Variants in CD99 observed in about 807,000 individuals in gnomAD.
CD99 encodes CD99 antigen.
CD99 carries 19 observed loss-of-function variants against 28.4 expected under a neutral mutation model. The ratio of observed to expected loss-of-function variants is 0.67; its 90% CI spans 0.47 to 0.98. The LOEUF is 0.98. Among genes scored for constraint, CD99 ranks in the 50% least tolerant of loss-of-function variants. CD99 has a pLI of 0.00. For synonymous variants in CD99, 103 were observed against 92.1 expected (o/e 1.12, Z -0.67); for missense variants, 283 against 248.8 (o/e 1.14, Z -0.92).
intron 8 of CD99, chrX:2,733,521 A>T (rs913734296): frequency 2.4e-6 from 2 of 816,460 alleles, no homozygotes; most frequent in Admixed American, 2.3e-5. Flanking sequence ...TCTCAATCAC[A>T]TGGCGGATTC....
intron 7 of CD99, among the ~76,000 whole-genome samples, chrX:2,726,004 C>A (rs1387692838): frequency 3.9e-5 from 6 of 152,170 alleles, no homozygotes; most frequent in Non-Finnish European, 8.8e-5. Flanking sequence ...CTCTTCATGT[C>A]TCTTTTCTCC....
chrX:2,713,620 T>C (rs1425015862), intron 1 of CD99, among the ~76,000 whole-genome samples: 1 of 152,210 alleles, frequency 6.6e-6, no homozygotes, highest in African/African-American at 2.4e-5. Context: ...TTTGCACCTG[T>C]TGTGGAACTG....
At chrX:2,693,281 G>C (rs2047419699) in intron 1 of CD99, among the ~76,000 whole-genome samples, 1 of 148,472 alleles carries the variant, frequency 6.7e-6, no homozygotes, top group Non-Finnish European at 1.5e-5. Context: ...TTTGGAAGCA[G>C]ACTGGGCTTA....
chrX:2,737,651 C>A (rs1000892282), intron 8 of CD99, among the ~76,000 whole-genome samples: 1 of 151,674 alleles, frequency 6.6e-6, no homozygotes, highest in Non-Finnish European at 1.5e-5. Flanking sequence ...CACGCCACCA[C>A]GCCCAGTTAA....
At chrX:2,737,305 G>GT (rs1271158310) in intron 8 of CD99, among the ~76,000 whole-genome samples, 2 of 151,574 alleles carry the variant, frequency 1.3e-5, no homozygotes, top group Non-Finnish European at 2.9e-5. Context: ...AGCCTCCCAA[G>GT]TAGCGGGGAC....
intron 1 of CD99, among the ~76,000 whole-genome samples, chrX:2,692,443 AGCCTAGAGCTGCGGTGACTAGGCCG>A (rs2047367215): frequency 6.6e-6 from 1 of 152,188 alleles, no homozygotes; most frequent in Admixed American, 6.5e-5. Flanking sequence ...GATCTAGCTC[AGCCTAGAGCTGCGGTGACTAGGCCG>A]GGTCTCTATT....
At chrX:2,703,931 G>A (rs1375311455) in intron 1 of CD99, among the ~76,000 whole-genome samples, 2 of 152,040 alleles carry the variant, frequency 1.3e-5, no homozygotes, top group Non-Finnish European at 2.9e-5. Flanking sequence ...TGACAGGGAC[G>A]GAGAGCAGGG....
At chrX:2,713,315 AAC>A (rs34576945) in intron 1 of CD99, among the ~76,000 whole-genome samples, 60,883 of 151,284 alleles carry the variant, frequency 0.4, 13,876 homozygotes, top group Non-Finnish European at 0.52. Flanking sequence ...GCACACAAAA[AAC>A]ACACTACACA....
At chrX:2,720,531 C>T in intron 5 of CD99, 107 bp downstream of exon 5, 2 of 1,012,290 alleles carry the variant, frequency 2.0e-6, no homozygotes, top group East Asian at 4.8e-5. Context: ...TTACTGTTGA[C>T]TGCCTGTGCA....
At chrX:2,711,171 C>T (rs2048385266) in intron 1 of CD99, among the ~76,000 whole-genome samples, 1 of 148,430 alleles carries the variant, frequency 6.7e-6, no homozygotes, top group African/African-American at 2.5e-5. Context: ...GCACCCGGCC[C>T]CAGAGATGAC....
intron 1 of CD99, among the ~76,000 whole-genome samples, chrX:2,710,979 T>G (rs1403434280): frequency 1.3e-5 from 2 of 151,034 alleles, no homozygotes; most frequent in Non-Finnish European, 2.9e-5. Flanking sequence ...CAAGCGATTT[T>G]CCTGCCTCAG....
rs1303768849 is a variant in CD99 at position 2,740,761 on chromosome X, T to G, written c.533-18T>G. On this transcript the variant is annotated intron_variant, in intron 9 of 9. Coordinates refer to ENST00000381192, the MANE Select transcript of CD99 (RefSeq NM_002414.5). ...CAGGGACCTGGGAATGACTTTCTTT[T>G]GTCTCTGTCTCCCACAGTTCAGCGT... The G allele has an allele frequency of 1.2e-6, 2 of 1,613,660 alleles. No individual in the cohort carries two copies. The highest frequency in any genetic ancestry group is 1.3e-5 in the African/African-American group (1 of 74,910).
chrX:2,702,835 G>T (rs1418994279), intron 1 of CD99, among the ~76,000 whole-genome samples: 1 of 151,892 alleles, frequency 6.6e-6, no homozygotes, highest in Non-Finnish European at 1.5e-5. Flanking sequence ...AGGCTGGAGT[G>T]CAGTGGCGTG....
chrX:2,720,036 G>A (rs1335688008), intron 4 of CD99, among the ~76,000 whole-genome samples: 1 of 152,162 alleles, frequency 6.6e-6, no homozygotes, highest in African/African-American at 2.4e-5. Context: ...GAACCATACT[G>A]GTTTACTGCT....
At chrX:2,720,777 G>A (rs5939114) in intron 5 of CD99, among the ~76,000 whole-genome samples, 48,508 of 151,564 alleles carry the variant, frequency 0.32, 8,706 homozygotes, top group African/African-American at 0.47. Context: ...GGCACACACT[G>A]CCATGCCCGG....
intron 1 of CD99, among the ~76,000 whole-genome samples, chrX:2,710,476 A>C (rs1161775744): frequency 6.7e-6 from 1 of 148,186 alleles, no homozygotes; most frequent in Non-Finnish European, 1.5e-5. Context: ...GAAGGGTTAC[A>C]CTTAAAATAA....
intron 6 of CD99, 107 bp from the exon 7 acceptor site, chrX:2,723,207 C>A: frequency 9.1e-7 from 1 of 1,101,916 alleles, no homozygotes; most frequent in African/African-American, 1.5e-5. Flanking sequence ...GTAACATGTA[C>A]CCCCGTAGAG....
In CD99 at chrX:2,712,158, C is replaced by T. The variant is rs182111406; in HGVS notation, c.68-2264C>T. ...ATACCGTCTGACCCAAACACGCTTA[C>T]GTGGAATCTAAAACCACTGAACTCA... is the stretch of plus-strand genomic sequence containing the variant. On this transcript the variant is annotated intron_variant, in intron 1 of 9. Transcript: ENST00000381192. Among the ~76,000 whole-genome samples the T allele has an allele frequency of 1.6e-4, 25 of 152,014 alleles. No homozygotes were observed. The East Asian group carries it at 3.9e-3, about 24-fold the overall frequency.
chrX:2,697,481 C>T (rs1343320187), intron 1 of CD99, among the ~76,000 whole-genome samples: 1 of 152,156 alleles, frequency 6.6e-6, no homozygotes. Flanking sequence ...TGAGTTTGCC[C>T]AGGTAGCCTG....
Sources: gnomAD v4.1 joint callset for allele counts (sites outside exome capture counted in the v4.1 genomes callset) on GRCh38, gnomAD v4.1.1 for gene constraint, MANE v1.5 for transcripts, NCBI Gene and HGNC (gene_info 2026-07-23, HGNC 2026-07-21) for gene names.